The following USP24 variants were observed in gnomAD, a reference collection of about 807,000 sequenced individuals.
The protein encoded by USP24 is ubiquitin carboxyl-terminal hydrolase 24.
Under a neutral mutation model 361.6 loss-of-function variants are expected in USP24, and 97 were observed. The observed-to-expected ratio is 0.27, with a 90% CI of 0.23 to 0.32. The LOEUF (loss-of-function observed/expected upper bound fraction) is 0.32, where lower values mean the gene tolerates loss of function less well. USP24 is among the 10% of genes least tolerant of loss of function. The pLI is 1.00. For synonymous variants in USP24, 1,098 were observed against 1,124.6 expected, an observed-to-expected ratio of 0.98 and a Z score of 0.47; for missense variants, 2,353 against 3,165.6, an observed-to-expected ratio of 0.74 and a Z score of 6.16.
chr1:55,172,804 T>G (rs934458561), intron 3 of USP24, among the ~76,000 whole-genome samples: 2 of 152,130 alleles, frequency 1.3e-5, no homozygotes, highest in African/African-American at 2.4e-5. Flanking sequence ...CAAGGGTAGG[T>G]CAAATGGTGC....
chr1:55,189,494 T>C lies in USP24; in HGVS notation c.325-11362A>G, dbSNP rs557790660. On this transcript the variant is annotated intron_variant, in intron 1 of 67. Transcript: ENST00000294383. The stretch of plus-strand genomic sequence containing the variant: ...ACATAAAAGGCCGCATATTGTATCA[T>C]TCTGTTTATATGAAATGTTCACAAT... Among the ~76,000 whole-genome samples the C allele has an allele frequency of 3.0e-3, 453 of 152,348 alleles. 1 individual carries two copies. The highest frequency in any genetic ancestry group is 5.7e-3 in the Non-Finnish European group (385 of 68,032).
At chr1:55,124,690 C>T in intron 34 of USP24, 62 bp from the exon 35 acceptor site, 2 of 1,563,890 alleles carry the variant, frequency 1.3e-6, no homozygotes, top group African/African-American at 1.3e-5. Flanking sequence ...CTGACATGTA[C>T]AACCTTCTTA....
In USP24 at chr1:55,092,150, G is replaced by T. The variant is rs749215609; in HGVS notation, c.6451-24C>A. Reference sequence around the variant, plus strand: ...GTCTAAGAGAGGGAAACATGAAAGAGGATATTTTTCACAGAAGTTTTATAG... The same window carrying T: ...GTCTAAGAGAGGGAAACATGAAAGATGATATTTTTCACAGAAGTTTTATAG... On this transcript the variant is annotated intron_variant, in intron 53 of 67. Transcript: ENST00000294383. The T allele has an allele frequency of 3.9e-6, 6 of 1,544,318 alleles. No individual in the cohort carries two copies. In the African/African-American group the frequency reaches 8.4e-5, roughly 22 times the overall value.
chr1:55,096,845 TCAAGAACAATGC>T, intron 49 of USP24, 95 bp downstream of exon 49: 2 of 1,428,918 alleles, frequency 1.4e-6, no homozygotes, highest in Non-Finnish European at 1.9e-6. Context: ...TGAAACACAG[TCAAGAACAATGC>T]CAAAGTGTCC....
At position 55,071,296 on chromosome 1, in the gene USP24, A is replaced by T. The variant is rs557105541; in HGVS notation, c.7800+518T>A. On this transcript the variant is annotated intron_variant, in intron 67 of 67. Coordinates refer to ENST00000294383, the MANE Select transcript of USP24 (RefSeq NM_015306.3). Reference sequence around the variant, plus strand: ...AGTGTTTGCACACAGTGGGTGTTCAATACATATTTATTTTCTTTTTCTACT... The same window carrying T: ...AGTGTTTGCACACAGTGGGTGTTCATTACATATTTATTTTCTTTTTCTACT... 148 of 991,266 alleles carry T rather than the reference A, an allele frequency of 1.5e-4. No individual in the cohort carries two copies. The African/African-American group carries it at 2.2e-3, about 15-fold the overall frequency. The allele number at this position is 991,266 out of a possible 1,614,324, so 61.4% of individuals were successfully genotyped here.
chr1:55,164,210 A>G (rs986490046), intron 7 of USP24, among the ~76,000 whole-genome samples: 1 of 151,852 alleles, frequency 6.6e-6, no homozygotes, highest in Non-Finnish European at 1.5e-5. Flanking sequence ...GTATAGCTTG[A>G]TAATTTAGGT....
At chr1:55,158,745 A>ATGTTTTTTTTATATGT in intron 10 of USP24, 133 bp downstream of exon 10, 1 of 802,470 alleles carries the variant, frequency 1.2e-6, no homozygotes, top group Non-Finnish European at 1.7e-6. Flanking sequence ...CATTTTATAC[A>ATGTTTTTTTTATATGT]CAATCATTCT....
At chr1:55,097,279 G>A in intron 48 of USP24, 107 bp from the exon 49 acceptor site, 3 of 1,258,956 alleles carry the variant, frequency 2.4e-6, no homozygotes, top group Non-Finnish European at 3.3e-6. Context: ...GTTTAAGCTA[G>A]GAACAACTAC....
At chr1:55,184,667 T>TAG (rs1644077163) in intron 1 of USP24, among the ~76,000 whole-genome samples, 1 of 152,166 alleles carries the variant, frequency 6.6e-6, no homozygotes, top group South Asian at 2.1e-4. Flanking sequence ...TTCTCCAAGA[T>TAG]AGAGCATATG....
At chr1:55,082,439 T>C (rs1326284225) in intron 58 of USP24, among the ~76,000 whole-genome samples, 1 of 152,162 alleles carries the variant, frequency 6.6e-6, no homozygotes, top group Non-Finnish European at 1.5e-5. Flanking sequence ...TTTGAATCTA[T>C]CAAATAAAAG....
At chr1:55,106,820 C>T (rs1030144296) in intron 40 of USP24, among the ~76,000 whole-genome samples, 1 of 152,140 alleles carries the variant, frequency 6.6e-6, no homozygotes, top group Admixed American at 6.5e-5. Context: ...TTACAAATTA[C>T]ATGTGTACCC....
intron 23 of USP24, among the ~76,000 whole-genome samples, chr1:55,142,249 A>T (rs1646909953): frequency 3.9e-5 from 6 of 152,154 alleles, no homozygotes; most frequent in Admixed American, 3.9e-4. Context: ...AATAAAAGAG[A>T]TACATGTGAG....
At chr1:55,155,055 A>C (rs539473105) in intron 12 of USP24, among the ~76,000 whole-genome samples, 4 of 152,096 alleles carry the variant, frequency 2.6e-5, no homozygotes, top group Non-Finnish European at 5.9e-5. Context: ...AGTGTGACAT[A>C]TTTCACTTCA....
At position 55,104,000 on chromosome 1, in the gene USP24, C is replaced by T. The variant is rs746950094; in HGVS notation, c.4901G>A (p.Arg1634Gln). 7.5e-6 allele frequency: 12 copies of T among 1,609,488 alleles called. No individual in the cohort carries two copies. The highest frequency in any genetic ancestry group is 3.4e-5 in the Admixed American group (2 of 59,400). Reference protein sequence around the residue: ...FHPKCSTANSRLAAYEVLVML... With the variant: ...FHPKCSTANSQLAAYEVLVML... Reference sequence around the variant, plus strand: ...CACAAGGACTTCATAGGCTGCCAATCGGCTATTCGCTGTACTACACCTAGA... The same window carrying T: ...CACAAGGACTTCATAGGCTGCCAATTGGCTATTCGCTGTACTACACCTAGA... The change falls in exon 42 of 68, where the codon CGA (arginine) becomes CAA (glutamine). Residue 1634 changes from arginine to glutamine, a missense_variant. Arg to Gln is a conservative substitution (Grantham distance 43, BLOSUM62 1). This residue lies in a region of USP24 where 949 missense variants were observed against 1,280.5 expected (regional missense o/e 0.74). Transcript: ENST00000294383.
At chr1:55,210,776 A>C (rs1644829455) in intron 1 of USP24, among the ~76,000 whole-genome samples, 1 of 152,228 alleles carries the variant, frequency 6.6e-6, no homozygotes, top group South Asian at 2.1e-4. Context: ...TACCTCCAGA[A>C]AGAACATCCA....
chr1:55,207,833 AT>A (rs564880715), intron 1 of USP24, among the ~76,000 whole-genome samples: 31 of 152,232 alleles, frequency 2.0e-4, no homozygotes, highest in Non-Finnish European at 2.4e-4. Flanking sequence ...TGTCAAATGA[AT>A]TTTGCAATAC....
intron 16 of USP24, among the ~76,000 whole-genome samples, chr1:55,148,785 C>T (rs972983826): frequency 6.6e-6 from 1 of 152,146 alleles, no homozygotes; most frequent in African/African-American, 2.4e-5. Context: ...GAACTGCAAA[C>T]AGGAGTGGAT....
At chr1:55,161,139 C>T (rs960283467) in intron 8 of USP24, among the ~76,000 whole-genome samples, 1 of 151,938 alleles carries the variant, frequency 6.6e-6, no homozygotes, top group Non-Finnish European at 1.5e-5. Flanking sequence ...TTTGGGAGGC[C>T]GAGGTGGGTG....
intron 1 of USP24, among the ~76,000 whole-genome samples, chr1:55,191,164 A>T (rs1179985342): frequency 2.0e-5 from 3 of 152,150 alleles, no homozygotes; most frequent in African/African-American, 7.2e-5. Flanking sequence ...AATCTTGTGT[A>T]TTCAGTTGTT....
Sources: gnomAD v4.1 joint callset for allele counts (sites outside exome capture counted in the v4.1 genomes callset) on GRCh38, gnomAD v4.1.1 for gene constraint, gnomAD v4.1.1 regional missense constraint, MANE v1.5 for transcripts, NCBI Gene and HGNC (gene_info 2026-07-23, HGNC 2026-07-21) for gene names.